FNIP2: variants seen among roughly 807,000 people sequenced by gnomAD.
FNIP2 encodes the protein folliculin-interacting protein 2.
Under a neutral mutation model 108.7 loss-of-function variants are expected in FNIP2, and 32 were observed. That is an observed-to-expected ratio of 0.29 (90% CI 0.22 to 0.40). The LOEUF (loss-of-function observed/expected upper bound fraction) is 0.40, where lower values mean the gene tolerates loss of function less well. Ranked by LOEUF, FNIP2 falls within the 10% of genes least tolerant of loss-of-function variation. FNIP2 has a pLI of 1.00. For synonymous variants in FNIP2, 480 were observed against 496.7 expected (o/e 0.97, Z 0.45); for missense variants, 1,202 against 1,381.6 (o/e 0.87, Z 2.06).
chr4:158,883,280 C>G (rs1228892347), intron 14 of FNIP2, among the ~76,000 whole-genome samples: 1 of 151,876 alleles, frequency 6.6e-6, no homozygotes, highest in African/African-American at 2.4e-5. Flanking sequence ...CTGGCTCTGT[C>G]GTCCAGGCTG....
chr4:158,823,298 C>G (rs1025694816), intron 1 of FNIP2, among the ~76,000 whole-genome samples: 23 of 152,112 alleles, frequency 1.5e-4, no homozygotes, highest in African/African-American at 5.1e-4. Flanking sequence ...CGGAATCTCC[C>G]TCTGTCACCC....
At chr4:158,774,467 A>G (rs999240524) in intron 1 of FNIP2, among the ~76,000 whole-genome samples, 4 of 152,228 alleles carry the variant, frequency 2.6e-5, no homozygotes, top group African/African-American at 9.7e-5. Flanking sequence ...TAGAGTAAGG[A>G]TAATGTTTAT....
At chr4:158,859,362 A>G in intron 9 of FNIP2, 104 bp downstream of exon 9, 1 of 1,279,532 alleles carries the variant, frequency 7.8e-7, no homozygotes, top group Non-Finnish European at 1.1e-6. Context: ...TAAGGAAGTT[A>G]AATCACCTGT....
chr4:158,821,336 G>A (rs1777872340), intron 1 of FNIP2, among the ~76,000 whole-genome samples: 1 of 152,236 alleles, frequency 6.6e-6, no homozygotes, highest in African/African-American at 2.4e-5. Flanking sequence ...ATTCAGATTA[G>A]AATACATTTC....
intron 1 of FNIP2, among the ~76,000 whole-genome samples, chr4:158,783,545 A>G (rs1288359007): frequency 6.6e-6 from 1 of 152,218 alleles, no homozygotes; most frequent in African/African-American, 2.4e-5. Context: ...CATCTTAGAA[A>G]TATTTGGCAT....
chr4:158,833,504 T>C (rs1489531958), intron 5 of FNIP2, 24 bp from the exon 6 acceptor site: 1 of 1,492,074 alleles, frequency 6.7e-7, no homozygotes, highest in East Asian at 2.3e-5. Flanking sequence ...TCTTTCTCCT[T>C]TTCCCCCCCA....
chr4:158,812,732 A>G (rs1777349199), intron 1 of FNIP2, among the ~76,000 whole-genome samples: 1 of 151,984 alleles, frequency 6.6e-6, no homozygotes, highest in Non-Finnish European at 1.5e-5. Context: ...AGGAATCTGT[A>G]TTGACACATC....
At chr4:158,804,979 A>G (rs370901432) in intron 1 of FNIP2, among the ~76,000 whole-genome samples, 1 of 151,936 alleles carries the variant, frequency 6.6e-6, no homozygotes, top group East Asian at 1.9e-4. Flanking sequence ...CTATTTTTTG[A>G]GTTTATTTTG....
chr4:158,785,078 A>G (rs1776178324), intron 1 of FNIP2, among the ~76,000 whole-genome samples: 1 of 137,016 alleles, frequency 7.3e-6, no homozygotes, highest in Non-Finnish European at 1.6e-5. Context: ...GCCAGTATAT[A>G]AAGTTCCTCT....
chr4:158,769,844 A>G (rs1156245941), intron 1 of FNIP2, among the ~76,000 whole-genome samples: 2 of 152,208 alleles, frequency 1.3e-5, no homozygotes, highest in African/African-American at 4.8e-5. Flanking sequence ...TTTCCACATC[A>G]TGTGGAAGGT....
chr4:158,775,928 C>G (rs752851021), intron 1 of FNIP2, among the ~76,000 whole-genome samples: 1 of 152,212 alleles, frequency 6.6e-6, no homozygotes, highest in Non-Finnish European at 1.5e-5. Flanking sequence ...TTATTTGTCC[C>G]TGTAAACTTG....
At chr4:158,830,776 A>G (rs1346770974) in intron 3 of FNIP2, among the ~76,000 whole-genome samples, 4 of 152,182 alleles carry the variant, frequency 2.6e-5, no homozygotes, top group Non-Finnish European at 5.9e-5. Context: ...GTGCAGAACC[A>G]TGGTTGCTTT....
At chr4:158,790,025 T>C (rs1776358026) in intron 1 of FNIP2, among the ~76,000 whole-genome samples, 1 of 152,048 alleles carries the variant, frequency 6.6e-6, no homozygotes, top group African/African-American at 2.4e-5. Flanking sequence ...ACCTTATGGG[T>C]CACGGTCCCA....
chr4:158,779,091 C>T (rs1244457210), intron 1 of FNIP2, among the ~76,000 whole-genome samples: 1 of 152,216 alleles, frequency 6.6e-6, no homozygotes, highest in African/African-American at 2.4e-5. Context: ...TTGTTGATCA[C>T]TTGTCTAGTT....
intron 1 of FNIP2, among the ~76,000 whole-genome samples, chr4:158,824,011 T>A (rs565931222): frequency 6.6e-6 from 1 of 152,316 alleles, no homozygotes; most frequent in Non-Finnish European, 1.5e-5. Flanking sequence ...ACTTTATATG[T>A]TTTGCCGTAG....
At chr4:158,885,284 G>A (rs1781967824) in intron 14 of FNIP2, among the ~76,000 whole-genome samples, 1 of 152,208 alleles carries the variant, frequency 6.6e-6, no homozygotes, top group Non-Finnish European at 1.5e-5. Flanking sequence ...TTGGAGATGA[G>A]ATTTGGGTGG....
At chr4:158,773,577 T>A in intron 1 of FNIP2, among the ~76,000 whole-genome samples, 1 of 152,242 alleles carries the variant, frequency 6.6e-6, no homozygotes, top group Non-Finnish European at 1.5e-5. Flanking sequence ...AAACTGATTT[T>A]AAGTATTACT....
intron 1 of FNIP2, among the ~76,000 whole-genome samples, chr4:158,817,855 C>T (rs1430867200): frequency 6.6e-6 from 1 of 152,166 alleles, no homozygotes; most frequent in African/African-American, 2.4e-5. Flanking sequence ...CCACCCCTTC[C>T]TTTTATAGAG....
At chr4:158,877,274 A>G (rs1344560350) in intron 14 of FNIP2, among the ~76,000 whole-genome samples, 2 of 152,164 alleles carry the variant, frequency 1.3e-5, no homozygotes, top group African/African-American at 4.8e-5. Flanking sequence ...GCACAGATAC[A>G]CAGAAGATCA....
Sources: allele counts gnomAD v4.1 joint callset (sites outside exome capture counted in the v4.1 genomes callset), GRCh38; gene constraint gnomAD v4.1.1; transcripts MANE v1.5; gene names NCBI Gene and HGNC (gene_info 2026-07-23, HGNC 2026-07-21).